Variants in NRDC observed in about 807,000 individuals in gnomAD.
NRDC encodes nardilysin.
Under a neutral mutation model 147.1 loss-of-function variants are expected in NRDC, and 54 were observed. The observed-to-expected ratio is 0.37, with a 90% CI of 0.29 to 0.46. The LOEUF (loss-of-function observed/expected upper bound fraction) is 0.46. NRDC is among the 20% of genes least tolerant of loss of function. NRDC has a pLI of 1.00. For synonymous variants in NRDC, 440 were observed against 482.1 expected (o/e 0.91, Z 1.14); for missense variants, 1,082 against 1,370.6 (o/e 0.79, Z 3.33).
chr1:51,871,933 G>A (rs527536495), intron 1 of NRDC, among the ~76,000 whole-genome samples: 7 of 152,246 alleles, frequency 4.6e-5, no homozygotes, highest in African/African-American at 1.2e-4. Context: ...TGCAGTGGGC[G>A]CGATCTTGAC....
At chr1:51,861,159 A>C (rs2792591) in intron 1 of NRDC, among the ~76,000 whole-genome samples, 3,351 of 151,866 alleles carry the variant, frequency 0.022, 110 homozygotes, top group African/African-American at 0.077. Flanking sequence ...CACGTTGGCC[A>C]GGCTGGTCTC....
chr1:51,795,960 A>G (rs1678882797), intron 22 of NRDC, among the ~76,000 whole-genome samples: 1 of 151,668 alleles, frequency 6.6e-6, no homozygotes, highest in South Asian at 2.1e-4. Context: ...AGCTCACTGC[A>G]GCCTCCACTT....
intron 20 of NRDC, 95 bp downstream of exon 20, chr1:51,803,719 C>T: frequency 1.0e-6 from 1 of 955,058 alleles, no homozygotes; most frequent in Non-Finnish European, 1.5e-6. Context: ...CATTAATAAA[C>T]ATTTATTTCT....
chr1:51,829,285 A>T (rs1339163828), intron 4 of NRDC, among the ~76,000 whole-genome samples: 2 of 152,322 alleles, frequency 1.3e-5, no homozygotes, highest in African/African-American at 2.4e-5. Context: ...GGCTCAAGTG[A>T]TCCACCTGCC....
At chr1:51,796,525 C>A (rs777933233) in intron 22 of NRDC, among the ~76,000 whole-genome samples, 3 of 151,862 alleles carry the variant, frequency 2.0e-5, no homozygotes, top group Non-Finnish European at 4.4e-5. Context: ...CAGGCGTGGG[C>A]CGCCTTGCAC....
At chr1:51,817,994 A>T in intron 10 of NRDC, 72 bp downstream of exon 10, 1 of 1,153,754 alleles carries the variant, frequency 8.7e-7, no homozygotes, top group Non-Finnish European at 1.3e-6. Context: ...CCCCAAACTT[A>T]AACCATTTAG....
intron 1 of NRDC, among the ~76,000 whole-genome samples, chr1:51,847,947 TATTC>T (rs893093093): frequency 6.6e-6 from 1 of 152,248 alleles, no homozygotes; most frequent in Non-Finnish European, 1.5e-5. Flanking sequence ...TAATAAAAAA[TATTC>T]ATTTATGATT....
At chr1:51,794,174 C>A (rs1678778870) in intron 24 of NRDC, 1 of 291,060 alleles carries the variant, frequency 3.4e-6, no homozygotes, top group Non-Finnish European at 6.5e-6. Flanking sequence ...TGCCCCTTAA[C>A]AAATGTCCTT....
At chr1:51,802,123 A>G (rs1048435174) in intron 20 of NRDC, among the ~76,000 whole-genome samples, 10 of 151,998 alleles carry the variant, frequency 6.6e-5, no homozygotes, top group Non-Finnish European at 1.0e-4. Context: ...TTCCATTCCT[A>G]TGTATTAGGA....
intron 1 of NRDC, among the ~76,000 whole-genome samples, chr1:51,849,135 C>T (rs1439635837): frequency 3.9e-5 from 6 of 152,142 alleles, no homozygotes; most frequent in Middle Eastern, 3.2e-3. Context: ...GCCTGTAATC[C>T]TAGCACTTTG....
In NRDC at chr1:51,878,166, A is replaced by C. The variant is rs1250154797; in HGVS notation, c.341+109T>G. 8.0e-5 allele frequency: 115 copies of C among 1,440,812 alleles called. 1 individual carries two copies. Among genetic ancestry groups the C allele is most frequent in the Non-Finnish European group, 6.9e-5 (74 of 1,077,336 alleles). 89.3% of individuals were successfully genotyped at this position (1,440,812 alleles called of 1,614,324 possible). On this transcript the variant is annotated intron_variant, in intron 1 of 30. Coordinates refer to ENST00000352171, the MANE Select transcript of NRDC (RefSeq NM_001101662.2). ...CACCCAAGGAAGCATTTGGGGTGGA[A>C]AGTGTGCCCTGTTGCTCCATTGGGA...
intron 2 of NRDC, among the ~76,000 whole-genome samples, chr1:51,838,131 AACT>A (rs1681077946): frequency 6.6e-6 from 1 of 152,218 alleles, no homozygotes; most frequent in Non-Finnish European, 1.5e-5. Context: ...CTCGTCTTCA[AACT>A]ACTTAGGTTC....
chr1:51,843,329 A>G (rs76043481), intron 1 of NRDC, among the ~76,000 whole-genome samples: 3 of 132,928 alleles, frequency 2.3e-5, no homozygotes, highest in Non-Finnish European at 5.0e-5. Flanking sequence ...AAAAAAAAAA[A>G]CCCAACCCCT....
chr1:51,825,108 T>G (rs1228242116), intron 6 of NRDC, among the ~76,000 whole-genome samples, 179 bp downstream of exon 6: 1 of 152,218 alleles, frequency 6.6e-6, no homozygotes, highest in Non-Finnish European at 1.5e-5. Context: ...ATATTCACTG[T>G]TAGAGAACCA....
intron 1 of NRDC, among the ~76,000 whole-genome samples, chr1:51,871,885 C>A (rs1340376165): frequency 6.6e-6 from 1 of 151,766 alleles, no homozygotes; most frequent in Non-Finnish European, 1.5e-5. Flanking sequence ...TTTTGGTTTT[C>A]TTTTTGAGAC....
intron 27 of NRDC, 101 bp from the exon 28 acceptor site, chr1:51,791,091 A>T (rs1349427403): frequency 3.8e-6 from 3 of 794,792 alleles, no homozygotes; most frequent in Non-Finnish European, 6.3e-6. Context: ...AATTAAGACT[A>T]AGACATATAT....
chr1:51,830,662 G>A (rs2149215601), intron 4 of NRDC, among the ~76,000 whole-genome samples: 1 of 152,282 alleles, frequency 6.6e-6, no homozygotes, highest in Non-Finnish European at 1.5e-5. Context: ...CGCTTATAAT[G>A]GGGAGGGTCT....
At chr1:51,802,391 AG>A (rs1679251875) in intron 20 of NRDC, among the ~76,000 whole-genome samples, 1 of 152,206 alleles carries the variant, frequency 6.6e-6, no homozygotes, top group Non-Finnish European at 1.5e-5. Flanking sequence ...GTTATATATT[AG>A]GTTTTAATAT....
intron 2 of NRDC, chr1:51,837,558 A>C: frequency 6.3e-7 from 1 of 1,594,650 alleles, no homozygotes; most frequent in Non-Finnish European, 8.6e-7. Context: ...TTTTTGAATA[A>C]GTTGACTTAA....
Sources: gnomAD v4.1 joint callset for allele counts (sites outside exome capture counted in the v4.1 genomes callset) on GRCh38, gnomAD v4.1.1 for gene constraint, MANE v1.5 for transcripts, NCBI Gene and HGNC (gene_info 2026-07-23, HGNC 2026-07-21) for gene names.